Variants in EPDR1 observed in about 807,000 individuals in gnomAD.
The protein encoded by EPDR1 is ependymin related 1.
EPDR1 carries 27 observed loss-of-function variants against 23.7 expected under a neutral mutation model. That is an observed-to-expected ratio of 1.14 (90% confidence interval 0.84 to 1.57). The LOEUF is 1.57. Ranked by LOEUF, EPDR1 falls within the 40% of genes most tolerant of loss-of-function variation. The pLI is 0.00. For missense variants in EPDR1, 349 were observed against 290.4 expected (o/e 1.20, Z -1.47); for synonymous variants, 137 against 118.2 (o/e 1.16, Z -1.03).
chr7:37,932,482 A>G (rs935441319), intron 1 of EPDR1, among the ~76,000 whole-genome samples: 3 of 152,216 alleles, frequency 2.0e-5, no homozygotes, highest in African/African-American at 7.2e-5. Flanking sequence ...GTGGTCACAC[A>G]TTATTCCTTT....
intron 1 of EPDR1, among the ~76,000 whole-genome samples, chr7:37,927,548 T>C (rs1785843746): frequency 6.6e-6 from 1 of 152,230 alleles, no homozygotes; most frequent in Non-Finnish European, 1.5e-5. Flanking sequence ...TCCTACCTAG[T>C]GGCTTTAGTC....
Position 37,921,158 on chromosome 7 carries a change from C to A in EPDR1, c.219C>A (p.Asn73Lys). The part of the protein sequence containing the change: ...SRALLSYDGL[N>K]QRVRVLDERK... The stretch of plus-strand genomic sequence containing the variant: ...CCCTGCTCTCCTACGACGGGCTCAA[C>A]CAGCGCGTGCGGGTGCTGGACGAGA... Residue 73 changes from asparagine to lysine, a missense_variant, in exon 1 of 3, where the codon AAC (asparagine) becomes AAA (lysine). Transcript: ENST00000199448. 1 of 1,595,328 alleles carries A rather than the reference C, an allele frequency of 6.3e-7. No homozygotes were observed. The highest frequency in any genetic ancestry group is 1.1e-5 in the South Asian group (1 of 90,990).
At chr7:37,933,943 C>G (rs1245362805) in intron 1 of EPDR1, among the ~76,000 whole-genome samples, 1 of 152,062 alleles carries the variant, frequency 6.6e-6, no homozygotes, top group Non-Finnish European at 1.5e-5. Flanking sequence ...CATCAAGACC[C>G]CAGGCTTATC....
At position 37,950,471 on chromosome 7, in the gene EPDR1, T is replaced by C. The variant is rs1459233218; in HGVS notation, c.*75T>C. 4 of 1,291,240 alleles carry C rather than the reference T, an allele frequency of 3.1e-6. No individual in the cohort carries two copies. The African/African-American group carries it at 4.5e-5, about 15-fold the overall frequency. The allele number at this position is 1,291,240 out of a possible 1,614,324, so 80.0% of individuals were successfully genotyped here. A position where few individuals can be genotyped will look rare whatever the true frequency, so the allele number is the denominator to read the frequency against. The stretch of plus-strand genomic sequence containing the variant: ...CAGCTGGAGATGGATATGAGACTAG[T>C]CAAGATGTGAATGCTAATTGGAGAG... On this transcript the variant is annotated 3_prime_UTR_variant, in exon 3 of 3. Transcript: ENST00000199448.
chr7:37,923,342 G>C (rs899169909), intron 1 of EPDR1, among the ~76,000 whole-genome samples: 11 of 152,184 alleles, frequency 7.2e-5, no homozygotes, highest in Non-Finnish European at 1.3e-4. Context: ...AGGTTCAACT[G>C]AGGAAAATGT....
chr7:37,921,798 T>A (rs900028162), intron 1 of EPDR1, among the ~76,000 whole-genome samples: 6 of 152,190 alleles, frequency 3.9e-5, no homozygotes, highest in Non-Finnish European at 7.4e-5. Flanking sequence ...TTAAAGCAAA[T>A]TTTACATACT....
Position 37,948,991 on chromosome 7 carries a change from G to T in EPDR1, c.421G>T (p.Gly141Trp), listed in dbSNP as rs372161085. 3.1e-6 allele frequency: 5 copies of T among 1,614,012 alleles called. No individual in the cohort carries two copies. The African/African-American group carries it at 6.7e-5, about 22-fold the overall frequency. ...STFEDQYSIG[G>W]PQEQITVQEW... ...CTTTGAAGACCAGTACTCCATCGGG[G>T]GGCCTCAGGAGCAGATCACCGTCCA... The change falls in exon 2 of 3, where the codon GGG becomes TGG. Residue 141 changes from glycine (G) to tryptophan (W), a missense_variant. Transcript: ENST00000199448.
chr7:37,942,523 T>A (rs1188017842), intron 1 of EPDR1, among the ~76,000 whole-genome samples: 2 of 152,190 alleles, frequency 1.3e-5, no homozygotes, highest in African/African-American at 4.8e-5. Flanking sequence ...ACAATGTGAA[T>A]ATATTTAACA....
rs1424250536 is a variant in EPDR1, at chr7:37,950,604, T to C, written c.*208T>C. On this transcript the variant is annotated 3_prime_UTR_variant, in exon 3 of 3. Coordinates refer to ENST00000199448, the MANE Select transcript of EPDR1 (RefSeq NM_017549.5). ...AAATTGAATGGCGAGGGTGTGGCCA[T>C]ATGAACTGACTAGATGGCTAATATG... 1.2e-5 allele frequency: 7 copies of C among 573,092 alleles called. No individual in the cohort carries two copies. The highest frequency in any genetic ancestry group is 2.1e-5 in the Non-Finnish European group (7 of 328,010). 35.5% of individuals were successfully genotyped at this position (573,092 alleles called of 1,614,324 possible). A position where few individuals can be genotyped will look rare whatever the true frequency, so the allele number is the denominator to read the frequency against.
At chr7:37,926,584 T>C (rs140257376) in intron 1 of EPDR1, 7 of 416,848 alleles carry the variant, frequency 1.7e-5, no homozygotes, top group African/African-American at 1.2e-4. Context: ...CCTTGCACTT[T>C]AGTGCTTTTA....
chr7:37,930,657 T>G (rs536670198), intron 1 of EPDR1, among the ~76,000 whole-genome samples: 4 of 152,220 alleles, frequency 2.6e-5, no homozygotes, highest in Admixed American at 2.0e-4. Flanking sequence ...GATCTCACCC[T>G]TCTGAGGTCT....
intron 1 of EPDR1, chr7:37,926,706 C>T (rs1173342089): frequency 8.8e-6 from 4 of 454,612 alleles, no homozygotes; most frequent in Admixed American, 4.7e-5. Context: ...AGGGATAATA[C>T]TCTGTTCCAA....
At chr7:37,921,241 G>A (rs747434435) in intron 1 of EPDR1, 33 bp downstream of exon 1, 2 of 1,554,474 alleles carry the variant, frequency 1.3e-6, no homozygotes, top group South Asian at 2.3e-5. Context: ...GCGGGAGTAG[G>A]GAGCCGCGCG....
chr7:37,931,847 C>T (rs1254401669), intron 1 of EPDR1, among the ~76,000 whole-genome samples: 3 of 152,014 alleles, frequency 2.0e-5, no homozygotes, highest in African/African-American at 4.8e-5. Context: ...TACAGGTGCA[C>T]ACCACTGCAC....
intron 1 of EPDR1, among the ~76,000 whole-genome samples, chr7:37,921,639 T>G (rs1785708888): frequency 6.6e-6 from 1 of 152,236 alleles, no homozygotes; most frequent in Admixed American, 6.5e-5. Context: ...AATATGTATT[T>G]TCTAAGAAAT....
chr7:37,948,870 T>G lies in EPDR1; in HGVS notation c.300T>G (p.Asp100Glu). The change falls in exon 2 of 3, where the codon GAT (aspartate) becomes GAG (glutamate). Residue 100 changes from aspartate to glutamate, a missense_variant. Coordinates refer to ENST00000199448, the MANE Select transcript of EPDR1 (RefSeq NM_017549.5). The stretch of plus-strand genomic sequence containing the variant: ...TTGAATATATTTTGCTGTATAAGGA[T>G]GGAGTGATGTTTCAGATTGACCAAG... ...RLFEYILLYKDGVMFQIDQAT... is the reference protein window; with the variant it reads ...RLFEYILLYKEGVMFQIDQAT... 1.9e-6 allele frequency: 3 copies of G among 1,614,176 alleles called. No individual in the cohort carries two copies. Among genetic ancestry groups the G allele is most frequent in the Non-Finnish European group, 2.5e-6 (3 of 1,180,026 alleles).
At chr7:37,934,443 C>CT (rs201896724) in intron 1 of EPDR1, among the ~76,000 whole-genome samples, 31,971 of 148,742 alleles carry the variant, frequency 0.21, 3,732 homozygotes, top group Non-Finnish European at 0.28. Context: ...GGACTCTCCT[C>CT]TTTTTTTTTT....
intron 1 of EPDR1, among the ~76,000 whole-genome samples, chr7:37,944,482 T>A (rs1300253274): frequency 2.0e-5 from 3 of 152,198 alleles, no homozygotes; most frequent in Non-Finnish European, 4.4e-5. Context: ...TCTGTTCTCA[T>A]GCTGCTAATA....
rs746300859 is a variant in EPDR1, at chr7:37,950,379, G to A, written c.658G>A (p.Glu220Lys). ...CQMAQLEKMS[E>K]DCSW ...GATGGCCCAACTGGAGAAGATGAGC[G>A]AAGACTGCTCCTGGTGAGCCTGTGC... Residue 220 changes from glutamate to lysine, a missense_variant, in exon 3 of 3, where the codon GAA becomes AAA. Coordinates refer to ENST00000199448, the MANE Select transcript of EPDR1 (RefSeq NM_017549.5). 29 of 1,612,698 alleles carry A rather than the reference G, an allele frequency of 1.8e-5. No homozygotes were observed. The Middle Eastern group carries it at 6.6e-4, about 37-fold the overall frequency.
Sources: allele counts gnomAD v4.1 joint callset (sites outside exome capture counted in the v4.1 genomes callset), GRCh38; gene constraint gnomAD v4.1.1; transcripts MANE v1.5; gene names NCBI Gene and HGNC (gene_info 2026-07-23, HGNC 2026-07-21).